The following ERLEC1 variants were observed in gnomAD, a reference collection of about 807,000 sequenced individuals.
The protein encoded by ERLEC1 is endoplasmic reticulum lectin 1.
A neutral mutation model predicts 68.0 loss-of-function variants in ERLEC1; 47 were observed. The ratio of observed to expected loss-of-function variants is 0.69; its 90% confidence interval spans 0.55 to 0.88. The LOEUF (loss-of-function observed/expected upper bound fraction) is 0.88. Among genes scored for constraint, ERLEC1 ranks in the 40% least tolerant of loss-of-function variants. ERLEC1 has a pLI of 0.00. For synonymous variants in ERLEC1, 225 were observed against 203.2 expected, an observed-to-expected ratio of 1.11 and a Z score of -0.91; for missense variants, 567 against 583.8, an observed-to-expected ratio of 0.97 and a Z score of 0.30.
intron 13 of ERLEC1, among the ~76,000 whole-genome samples, chr2:53,815,204 C>A (rs1311114791): frequency 6.6e-6 from 1 of 151,898 alleles, no homozygotes; most frequent in East Asian, 1.9e-4. Flanking sequence ...CGGGGTTCCA[C>A]CATGTTGGCC....
chr2:53,790,155 G>A (rs1369880696), intron 1 of ERLEC1, among the ~76,000 whole-genome samples: 2 of 151,582 alleles, frequency 1.3e-5, no homozygotes, highest in African/African-American at 2.4e-5. Flanking sequence ...GTACAATGGC[G>A]CCATCTCAGC....
chr2:53,796,889 CTTTTTT>C (rs958244464), intron 3 of ERLEC1, among the ~76,000 whole-genome samples: 1 of 117,244 alleles, frequency 8.5e-6, no homozygotes, highest in Non-Finnish European at 1.8e-5. Context: ...TTTTCTTTTT[CTTTTTT>C]TTTTTTTTTT....
intron 2 of ERLEC1, among the ~76,000 whole-genome samples, chr2:53,794,661 A>T (rs895940418): frequency 1.3e-5 from 2 of 151,872 alleles, no homozygotes; most frequent in East Asian, 3.9e-4. Flanking sequence ...TATTTTATTT[A>T]TTTATTTATT....
At chr2:53,813,808 CTTTAAGT>C (rs1308972934) in intron 11 of ERLEC1, among the ~76,000 whole-genome samples, 1 of 149,534 alleles carries the variant, frequency 6.7e-6, no homozygotes, top group Non-Finnish European at 1.5e-5. Flanking sequence ...TTTTTTAATA[CTTTAAGT>C]TTTAGGGTAC....
Position 53,801,794 on chromosome 2 carries a change from G to T in ERLEC1, c.831G>T (p.Leu277=). The stretch of plus-strand genomic sequence containing the variant: ...TTAAGCCCCTCACCCTGAGGCAGCT[G>T]GAGCAGCAGGAAGAAATACTAAGGG... ...SPFKPLTLRQ[L]EQQEEILRVP... The change falls in exon 8 of 14, where the codon CTG becomes CTT. Residue 277 remains leucine, a synonymous_variant. Coordinates refer to ENST00000185150, the MANE Select transcript of ERLEC1 (RefSeq NM_015701.5). 1 of 1,613,792 alleles carries T rather than the reference G, an allele frequency of 6.2e-7. No individual in the cohort carries two copies. Among genetic ancestry groups the T allele is most frequent in the Non-Finnish European group, 8.5e-7 (1 of 1,179,722 alleles).
At chr2:53,794,982 A>C (rs1553388926) in intron 2 of ERLEC1, among the ~76,000 whole-genome samples, 1 of 152,176 alleles carries the variant, frequency 6.6e-6, no homozygotes, top group Non-Finnish European at 1.5e-5. Context: ...TTGAATGAAA[A>C]TCTAACTCCA....
Position 53,801,695 on chromosome 2 carries a change from T to C in ERLEC1, c.750-18T>C, listed in dbSNP as rs757306066. ...AGTGTTCTGTGCATAGCTTTAATGC[T>C]TTGTTCCTACTGAACAGGTTCAGAG... On this transcript the variant is annotated intron_variant, in intron 7 of 13. Coordinates refer to ENST00000185150, the MANE Select transcript of ERLEC1 (RefSeq NM_015701.5). 1.2e-6 allele frequency: 2 copies of C among 1,613,896 alleles called. No homozygotes were observed. Among genetic ancestry groups the C allele is most frequent in the Admixed American group, 1.7e-5 (1 of 59,992 alleles).
intron 6 of ERLEC1, 148 bp downstream of exon 6, chr2:53,799,229 G>C (rs951642628): frequency 3.1e-6 from 2 of 648,222 alleles, no homozygotes; most frequent in Non-Finnish European, 5.2e-6. Flanking sequence ...AATCTTTGCA[G>C]TATATTCCTT....
chr2:53,805,837 G>C (rs1430803325), intron 8 of ERLEC1, among the ~76,000 whole-genome samples: 2 of 152,030 alleles, frequency 1.3e-5, no homozygotes, highest in Admixed American at 1.3e-4. Context: ...GATAAAAGCC[G>C]TTTTAACTGG....
At chr2:53,798,991 C>T (rs914421524) in intron 5 of ERLEC1, 56 bp from the exon 6 acceptor site, 3 of 1,520,892 alleles carry the variant, frequency 2.0e-6, no homozygotes, top group African/African-American at 1.4e-5. Context: ...AAAACTTACT[C>T]ATTTGTACCA....
chr2:53,816,717 C>T (rs1676917642), intron 13 of ERLEC1, among the ~76,000 whole-genome samples: 1 of 152,108 alleles, frequency 6.6e-6, no homozygotes, highest in Non-Finnish European at 1.5e-5. Context: ...TCCTATATTT[C>T]CTTCTAAAGA....
At position 53,787,291 on chromosome 2, in the gene ERLEC1, G is replaced by C. The variant is rs771770762; in HGVS notation, c.81G>C (p.Ala27=). ...TGGTCCTCTGCGGCCTCCTGGAGGC[G>C]TCCGGCGGCGGCCGAGCCCTTCCTC... ...VLLVLCGLLE[A]SGGGRALPQL... The change falls in exon 1 of 14, where the codon GCG becomes GCC. Residue 27 remains alanine, a synonymous_variant. Coordinates refer to ENST00000185150, the MANE Select transcript of ERLEC1 (RefSeq NM_015701.5). The C allele has an allele frequency of 3.1e-6, 5 of 1,609,666 alleles. No individual in the cohort carries two copies. The South Asian group carries it at 4.4e-5, about 14-fold the overall frequency.
intron 12 of ERLEC1, 27 bp downstream of exon 12, chr2:53,814,647 T>C (rs1573108239): frequency 1.3e-6 from 2 of 1,544,466 alleles, no homozygotes; most frequent in Non-Finnish European, 8.9e-7. Flanking sequence ...AATCATGCTG[T>C]ATGCCTTTGT....
intron 8 of ERLEC1, among the ~76,000 whole-genome samples, chr2:53,805,468 T>C (rs1254176834): frequency 1.3e-5 from 2 of 152,216 alleles, no homozygotes; most frequent in Non-Finnish European, 2.9e-5. Context: ...TCCTCCTGCC[T>C]TGGCCTCCCA....
At chr2:53,789,860 A>G (rs997977938) in intron 1 of ERLEC1, among the ~76,000 whole-genome samples, 5 of 151,854 alleles carry the variant, frequency 3.3e-5, no homozygotes, top group African/African-American at 1.2e-4. Flanking sequence ...CTCTACTAAA[A>G]ATAAAAAAAT....
Position 53,801,533 on chromosome 2 carries a change from A to T in ERLEC1, c.662A>T (p.His221Leu), listed in dbSNP as rs1676004159. 1 of 1,614,034 alleles carries T rather than the reference A, an allele frequency of 6.2e-7. No homozygotes were observed. The highest frequency in any genetic ancestry group is 8.5e-7 in the Non-Finnish European group (1 of 1,179,996). Residue 221 changes from histidine to leucine, a missense_variant, in exon 7 of 14, where the codon CAT (histidine) becomes CTT (leucine). By Grantham distance (99) the His-to-Leu change is moderately conservative. Coordinates refer to ENST00000185150, the MANE Select transcript of ERLEC1 (RefSeq NM_015701.5). The stretch of plus-strand genomic sequence containing the variant: ...TACATATGTCATCCTGAATCTAAGC[A>T]TGAAATTCTTTCAGTAGCTGAAGTT... ...VMYICHPESK[H>L]EILSVAEVTT...
At chr2:53,814,994 T>A in intron 13 of ERLEC1, 59 bp downstream of exon 13, 13 of 823,890 alleles carry the variant, frequency 1.6e-5, no homozygotes, top group Non-Finnish European at 2.3e-5. Context: ...AATTTTTTTT[T>A]CTTTTTTTTT....
chr2:53,796,056 C>G (rs1287779312), intron 3 of ERLEC1, 43 bp downstream of exon 3: 2 of 1,246,910 alleles, frequency 1.6e-6, no homozygotes, highest in Non-Finnish European at 2.3e-6. Flanking sequence ...AATAGATTAC[C>G]AACAGCCAAC....
At chr2:53,809,365 T>C (rs1185065523) in intron 10 of ERLEC1, 92 bp downstream of exon 10, 9 of 896,186 alleles carry the variant, frequency 1.0e-5, no homozygotes, top group Non-Finnish European at 1.5e-5. Context: ...GTATAACTTT[T>C]AATTATGAGA....
Sources: allele counts gnomAD v4.1 joint callset (sites outside exome capture counted in the v4.1 genomes callset), GRCh38; gene constraint gnomAD v4.1.1; transcripts MANE v1.5; gene names NCBI Gene and HGNC (gene_info 2026-07-23, HGNC 2026-07-21).